The following CCM2 variants were observed in gnomAD, a reference collection of about 807,000 sequenced individuals.
CCM2 encodes the protein cerebral cavernous malformations 2 protein.
In CCM2, 25 loss-of-function variants were observed where a neutral mutation model predicts 44.9. The ratio of observed to expected loss-of-function variants is 0.56; its 90% CI spans 0.41 to 0.78. The LOEUF (loss-of-function observed/expected upper bound fraction) is 0.78, where lower values mean the gene tolerates loss of function less well. CCM2 is among the 30% of genes least tolerant of loss of function. CCM2 has a pLI of 0.00. For missense variants in CCM2, 481 were observed against 580.6 expected (o/e 0.83, Z 1.76); for synonymous variants, 219 against 241.1 (o/e 0.91, Z 0.85).
At chr7:45,029,512 A>G (rs1205787673) in intron 1 of CCM2, 1 of 152,224 alleles carries the variant, frequency 6.6e-6, no homozygotes, top group Non-Finnish European at 1.5e-5. Context: ...GCTAGAAGGT[A>G]TAGCCATACT....
chr7:45,071,633 G>C (rs1799077359), intron 6 of CCM2: 3 of 366,434 alleles, frequency 8.2e-6, no homozygotes, highest in Non-Finnish European at 1.6e-5. Flanking sequence ...CTAAAGTTGA[G>C]GTGTCCACAG....
Position 45,048,445 on chromosome 7 carries a change from G to A in CCM2, c.204+10019G>A, listed in dbSNP as rs989028007. ...TGTTTTGGAATGCTTACTGTGTGCA[G>A]CAACACTATTTAACATTTTAAATAT... On this transcript the variant is annotated intron_variant, in intron 2 of 9. Transcript: ENST00000258781. Among the ~76,000 whole-genome samples the A allele has an allele frequency of 5.9e-5, 9 of 152,330 alleles. No individual in the cohort carries two copies. The East Asian group carries it at 1.5e-3, about 26-fold the overall frequency.
At chr7:45,043,244 T>G (rs1008801985) in intron 2 of CCM2, among the ~76,000 whole-genome samples, 2 of 152,108 alleles carry the variant, frequency 1.3e-5, no homozygotes, top group African/African-American at 4.8e-5. Context: ...CCTGGAATTA[T>G]AGGCATGAAC....
At chr7:45,063,793 G>A in intron 2 of CCM2, 125 bp from the exon 3 acceptor site, 2 of 746,270 alleles carry the variant, frequency 2.7e-6, no homozygotes, top group Admixed American at 3.9e-5. Context: ...ACGCGAGCCG[G>A]AATGGAGACC....
chr7:45,067,281 C>A (rs1018055961), intron 4 of CCM2, among the ~76,000 whole-genome samples: 9 of 151,748 alleles, frequency 5.9e-5, no homozygotes, highest in African/African-American at 1.9e-4. Flanking sequence ...CAATCTCCGC[C>A]CCCCGAGTAG....
chr7:45,020,112 T>TC (rs111541972), intron 1 of CCM2, among the ~76,000 whole-genome samples: 1 of 152,100 alleles, frequency 6.6e-6, no homozygotes, highest in Admixed American at 6.6e-5. Context: ...AGCTTTTTTT[T>TC]CTCTGCTCCA....
At chr7:45,020,459 G>T (rs1796440769) in intron 1 of CCM2, among the ~76,000 whole-genome samples, 1 of 151,402 alleles carries the variant, frequency 6.6e-6, no homozygotes, top group Non-Finnish European at 1.5e-5. Context: ...TTTATCTGTG[G>T]GCTACTGTAT....
rs555114776 is a variant in CCM2 at position 45,018,358 on chromosome 7, T to C, written c.30+17995T>C. ...TTTTCTTTCAGCATTTTTTATTATTTATTTATTTATTTATTTTGAGATAGA... is the reference window on the plus strand; with the variant it reads ...TTTTCTTTCAGCATTTTTTATTATTCATTTATTTATTTATTTTGAGATAGA... On this transcript the variant is annotated intron_variant, in intron 1 of 9. Coordinates refer to ENST00000258781, the MANE Select transcript of CCM2 (RefSeq NM_031443.4). 7.2e-5 allele frequency among the ~76,000 whole-genome samples: 11 copies of C among 152,226 alleles called. 1 individual carries two copies. The South Asian group carries it at 2.3e-3, about 32-fold the overall frequency.
At chr7:45,056,158 GTC>G (rs77069174) in intron 2 of CCM2, among the ~76,000 whole-genome samples, 11,295 of 152,216 alleles carry the variant, frequency 0.074, 555 homozygotes, top group Middle Eastern at 0.15. Context: ...GTGTACAAAT[GTC>G]TTTTCAAGCC....
At chr7:45,034,512 C>CTT (rs35845924) in intron 1 of CCM2, among the ~76,000 whole-genome samples, 35,597 of 65,236 alleles carry the variant, frequency 0.55, 10,809 homozygotes, top group East Asian at 0.75. Flanking sequence ...CATGCCTGGC[C>CTT]TTTTTTTTTT....
At chr7:45,010,458 C>T (rs1187982183) in intron 1 of CCM2, among the ~76,000 whole-genome samples, 1 of 152,292 alleles carries the variant, frequency 6.6e-6, no homozygotes, top group Non-Finnish European at 1.5e-5. Flanking sequence ...GCAGGGATCA[C>T]TGTACTCAGC....
intron 2 of CCM2, among the ~76,000 whole-genome samples, chr7:45,049,994 A>G (rs1797927875): frequency 1.3e-5 from 2 of 152,276 alleles, no homozygotes; most frequent in Admixed American, 6.5e-5. Flanking sequence ...TCTTGGCCAT[A>G]TAACAACATA....
intron 1 of CCM2, among the ~76,000 whole-genome samples, chr7:45,010,152 CCTT>C (rs892583020): frequency 6.6e-5 from 10 of 152,142 alleles, no homozygotes; most frequent in Non-Finnish European, 1.5e-4. Context: ...CTTAAGCAAT[CCTT>C]CTGTCTCGGC....
At chr7:45,008,134 C>T (rs762359857) in intron 1 of CCM2, among the ~76,000 whole-genome samples, 1 of 148,854 alleles carries the variant, frequency 6.7e-6, no homozygotes, top group South Asian at 2.1e-4. Context: ...GCTCCGCCTC[C>T]TGGGTTCAAG....
chr7:45,004,729 C>T (rs1441400125), intron 1 of CCM2, among the ~76,000 whole-genome samples: 3 of 151,886 alleles, frequency 2.0e-5, no homozygotes, highest in Non-Finnish European at 4.4e-5. Context: ...GGTGGTTGGC[C>T]AGGTGCGGTG....
chr7:45,044,787 A>G (rs1008424211), intron 2 of CCM2, among the ~76,000 whole-genome samples: 1 of 152,218 alleles, frequency 6.6e-6, no homozygotes, highest in East Asian at 1.9e-4. Flanking sequence ...TCCTAGAACC[A>G]TAATACTTTG....
chr7:45,015,388 C>A (rs142000293), intron 1 of CCM2, among the ~76,000 whole-genome samples: 33 of 152,298 alleles, frequency 2.2e-4, no homozygotes, highest in African/African-American at 7.7e-4. Flanking sequence ...TGCTGCTGTT[C>A]CCTCCCCACA....
intron 4 of CCM2, 170 bp from the exon 5 acceptor site, chr7:45,068,273 A>G: frequency 1.3e-6 from 1 of 792,228 alleles, no homozygotes. Context: ...ACCCTTATTT[A>G]GAGAAGCGAA....
intron 7 of CCM2, 176 bp from the exon 8 acceptor site, chr7:45,073,284 C>T (rs1490056703): frequency 3.1e-6 from 2 of 641,210 alleles, no homozygotes; most frequent in Non-Finnish European, 5.7e-6. Flanking sequence ...CAGGACCAGG[C>T]CAAGCTGACC....
Sources: gnomAD v4.1 joint callset for allele counts (sites outside exome capture counted in the v4.1 genomes callset) on GRCh38, gnomAD v4.1.1 for gene constraint, MANE v1.5 for transcripts, NCBI Gene and HGNC (gene_info 2026-07-23, HGNC 2026-07-21) for gene names.